LRRTM4: variants seen among roughly 807,000 people sequenced by gnomAD.
The protein encoded by LRRTM4 is leucine rich repeat transmembrane neuronal 4, also known as leucine-rich repeat transmembrane neuronal protein 4.
A neutral mutation model predicts 47.6 loss-of-function variants in LRRTM4; 25 were observed. The observed-to-expected ratio is 0.53, with a 90% CI of 0.38 to 0.73. LRRTM4 has a LOEUF of 0.73. Among genes scored for constraint, LRRTM4 ranks in the 30% least tolerant of loss-of-function variants. The probability of loss-of-function intolerance (pLI) is 0.00; values close to 1 mark genes in which losing one functional copy is unlikely to be tolerated. For missense variants in LRRTM4, 638 were observed against 713.4 expected (o/e 0.89, Z 1.20); for synonymous variants, 311 against 269.5 (o/e 1.15, Z -1.51).
intron 3 of LRRTM4, among the ~76,000 whole-genome samples, chr2:77,074,822 T>C (rs1236405711): frequency 2.0e-5 from 3 of 152,186 alleles, no homozygotes; most frequent in Non-Finnish European, 2.9e-5. Context: ...TGAAAAGTTG[T>C]GTCAGAATTT....
intron 3 of LRRTM4, among the ~76,000 whole-genome samples, chr2:76,981,232 T>A (rs1157973305): frequency 6.6e-6 from 1 of 152,146 alleles, no homozygotes; most frequent in African/African-American, 2.4e-5. Flanking sequence ...GACATGTGAC[T>A]ATAAAATTCA....
chr2:77,143,889 T>A (rs994483013), intron 3 of LRRTM4, among the ~76,000 whole-genome samples: 3 of 152,220 alleles, frequency 2.0e-5, no homozygotes, highest in Non-Finnish European at 4.4e-5. Flanking sequence ...TTCACAAAGT[T>A]AATGAGTTTA....
intron 3 of LRRTM4, among the ~76,000 whole-genome samples, chr2:77,295,891 G>T (rs543352185): frequency 6.6e-6 from 1 of 152,236 alleles, no homozygotes; most frequent in South Asian, 2.1e-4. Context: ...ATTCTGAGGT[G>T]CAAGGAATTA....
At chr2:77,164,797 G>A (rs2103818160) in intron 3 of LRRTM4, among the ~76,000 whole-genome samples, 2 of 152,256 alleles carry the variant, frequency 1.3e-5, no homozygotes, top group East Asian at 1.9e-4. Flanking sequence ...CAAAATCTCT[G>A]GGACACATTT....
intron 3 of LRRTM4, among the ~76,000 whole-genome samples, chr2:76,836,522 C>A (rs1246316978): frequency 2.6e-5 from 4 of 151,838 alleles, no homozygotes. Flanking sequence ...CCCCACCCCT[C>A]GCCATTTTTA....
intron 3 of LRRTM4, among the ~76,000 whole-genome samples, chr2:77,500,686 ATCAT>A (rs1015682984): frequency 6.6e-6 from 1 of 151,644 alleles, no homozygotes; most frequent in African/African-American, 2.4e-5. Context: ...TTAAAAGATA[ATCAT>A]TCACTCCGTA....
intron 3 of LRRTM4, among the ~76,000 whole-genome samples, chr2:77,245,242 A>T (rs1305411977): frequency 6.6e-6 from 1 of 152,068 alleles, no homozygotes; most frequent in Non-Finnish European, 1.5e-5. Context: ...GTGTTCTTGA[A>T]GTTAGAAGTT....
intron 3 of LRRTM4, among the ~76,000 whole-genome samples, chr2:77,273,248 A>T (rs1676254403): frequency 6.6e-6 from 1 of 152,158 alleles, no homozygotes; most frequent in South Asian, 2.1e-4. Context: ...AATGCTATTA[A>T]TGGGAAAAAA....
At position 76,972,666 on chromosome 2, in the gene LRRTM4, C is replaced by G. The variant is rs557133925; in HGVS notation, c.1552-223750G>C. ...CGAACTCCTGACCTCGTGATGTGCCCACCTCGGCCTCCCAAAGTGCTGGGA... is the reference window on the plus strand; with the variant it reads ...CGAACTCCTGACCTCGTGATGTGCCGACCTCGGCCTCCCAAAGTGCTGGGA... On this transcript the variant is annotated intron_variant, in intron 3 of 3. Coordinates refer to ENST00000409884, the MANE Select transcript of LRRTM4 (RefSeq NM_001134745.3). 2.6e-5 allele frequency among the ~76,000 whole-genome samples: 4 copies of G among 152,010 alleles called. No individual in the cohort carries two copies. The East Asian group carries it at 7.8e-4, about 30-fold the overall frequency.
intron 3 of LRRTM4, among the ~76,000 whole-genome samples, chr2:76,906,297 C>G (rs1167702156): frequency 5.2e-4 from 79 of 152,048 alleles, no homozygotes; most frequent in African/African-American, 1.7e-3. Flanking sequence ...AGCAAATGCT[C>G]AGAGATTTTG....
chr2:77,231,460 T>G (rs1233012815), intron 3 of LRRTM4, among the ~76,000 whole-genome samples: 1 of 152,194 alleles, frequency 6.6e-6, no homozygotes, highest in Admixed American at 6.6e-5. Flanking sequence ...TTTACAGATC[T>G]TGGGCTAAAA....
chr2:77,191,819 C>A (rs965490320), intron 3 of LRRTM4, among the ~76,000 whole-genome samples: 56 of 152,126 alleles, frequency 3.7e-4, no homozygotes, highest in African/African-American at 1.3e-3. Context: ...TGGCTTGTTA[C>A]ATAGATAAAC....
At chr2:77,349,250 C>T (rs1357812060) in intron 3 of LRRTM4, among the ~76,000 whole-genome samples, 2 of 151,786 alleles carry the variant, frequency 1.3e-5, no homozygotes, top group Admixed American at 6.6e-5. Context: ...AAAAATAAAA[C>T]TCTAGCTCAT....
intron 3 of LRRTM4, among the ~76,000 whole-genome samples, chr2:77,007,186 A>G (rs1677687766): frequency 6.6e-6 from 1 of 151,886 alleles, no homozygotes. Flanking sequence ...ACACACGCAT[A>G]TATATATATG....
chr2:77,408,940 G>C (rs1210516920), intron 3 of LRRTM4, among the ~76,000 whole-genome samples: 1 of 152,122 alleles, frequency 6.6e-6, no homozygotes, highest in African/African-American at 2.4e-5. Context: ...CTGATACTTT[G>C]CACTTATTGA....
intron 3 of LRRTM4, among the ~76,000 whole-genome samples, chr2:76,995,430 C>A (rs1469458303): frequency 6.6e-6 from 1 of 151,936 alleles, no homozygotes; most frequent in Non-Finnish European, 1.5e-5. Flanking sequence ...ACTTTTACAC[C>A]ATATAGCTAT....
In LRRTM4 at chr2:77,097,448, C is replaced by T. The variant is rs1033997190; in HGVS notation, c.1552-348532G>A. 2.0e-5 allele frequency among the ~76,000 whole-genome samples: 3 copies of T among 151,940 alleles called. No homozygotes were observed. In the South Asian group the frequency reaches 6.2e-4, roughly 31 times the overall value. ...CTTCTTCCACTCCAATGAAATTAAG[C>T]TTGTGCCAATCCGTAAAATCATGTT... On this transcript the variant is annotated intron_variant, in intron 3 of 3. Transcript: ENST00000409884.
At chr2:77,451,674 C>T (rs537097713) in intron 3 of LRRTM4, among the ~76,000 whole-genome samples, 1 of 152,264 alleles carries the variant, frequency 6.6e-6, no homozygotes, top group African/African-American at 2.4e-5. Flanking sequence ...CTAGATCTTG[C>T]TTTGCAGTAG....
chr2:77,512,270 A>C (rs1679050670), intron 3 of LRRTM4, among the ~76,000 whole-genome samples: 1 of 152,108 alleles, frequency 6.6e-6, no homozygotes, highest in Non-Finnish European at 1.5e-5. Flanking sequence ...CGTTTATTTA[A>C]AAAGCCAATT....
Sources: gnomAD v4.1 joint callset for allele counts (sites outside exome capture counted in the v4.1 genomes callset) on GRCh38, gnomAD v4.1.1 for gene constraint, MANE v1.5 for transcripts, NCBI Gene and HGNC (gene_info 2026-07-23, HGNC 2026-07-21) for gene names.